The following PKHD1 variants were observed in gnomAD, a reference collection of about 807,000 sequenced individuals.
PKHD1 encodes fibrocystin.
In PKHD1, 291 loss-of-function variants were observed where a neutral mutation model predicts 412.0. The observed-to-expected ratio is 0.71, with a 90% CI of 0.64 to 0.78. PKHD1 has a LOEUF of 0.78. PKHD1 is among the 30% of genes least tolerant of loss of function. The pLI, the probability that PKHD1 is intolerant of heterozygous loss-of-function variation, is 0.00. For missense variants in PKHD1, 4,825 were observed against 4,950.7 expected, an observed-to-expected ratio of 0.97 and a Z score of 0.76; for synonymous variants, 1,777 against 1,821.5, an observed-to-expected ratio of 0.98 and a Z score of 0.62.
At chr6:51,662,159 A>G (rs1581910568) in intron 60 of PKHD1, among the ~76,000 whole-genome samples, 1 of 152,040 alleles carries the variant, frequency 6.6e-6, no homozygotes, top group Non-Finnish European at 1.5e-5. Context: ...TTATGGGAAA[A>G]TTTATAGTGT....
intron 63 of PKHD1, among the ~76,000 whole-genome samples, chr6:51,640,339 C>T (rs1769182304): frequency 6.6e-6 from 1 of 152,202 alleles, no homozygotes; most frequent in African/African-American, 2.4e-5. Context: ...AATGGGTTTG[C>T]TTTTGCGTTA....
intron 36 of PKHD1, among the ~76,000 whole-genome samples, chr6:51,956,979 T>C (rs548199225): frequency 6.6e-6 from 1 of 152,230 alleles, no homozygotes; most frequent in Non-Finnish European, 1.5e-5. Context: ...TTGACTTAAA[T>C]TTTTAAAGGA....
chr6:51,943,747 C>G (rs1788975876), intron 36 of PKHD1, among the ~76,000 whole-genome samples: 1 of 151,458 alleles, frequency 6.6e-6, no homozygotes, highest in Non-Finnish European at 1.5e-5. Flanking sequence ...CATCACCAAT[C>G]ATTCTATATG....
At chr6:51,779,258 A>G (rs530333049) in intron 53 of PKHD1, among the ~76,000 whole-genome samples, 2 of 152,252 alleles carry the variant, frequency 1.3e-5, no homozygotes, top group African/African-American at 2.4e-5. Flanking sequence ...TGAAACATAC[A>G]AGTCCCCAAG....
Position 51,619,021 on chromosome 6 carries a change from A to G in PKHD1, c.*60T>C. The G allele has an allele frequency of 1.4e-6, 2 of 1,480,882 alleles. No homozygotes were observed. Among genetic ancestry groups the G allele is most frequent in the South Asian group, 2.3e-5 (2 of 87,870 alleles). The allele number at this position is 1,480,882 out of a possible 1,614,324, so 91.7% of individuals were successfully genotyped here. ...AGGACAGTCCTCACTTCCCCAGCTT[A>G]TTATCCAGAAATACTGGGAACATTC... is the stretch of plus-strand genomic sequence containing the variant. On this transcript the variant is annotated 3_prime_UTR_variant, in exon 67 of 67. Coordinates refer to ENST00000371117, the MANE Select transcript of PKHD1 (RefSeq NM_138694.4).
rs746310708 is a variant in PKHD1 at position 51,909,342 on chromosome 6, A to T, written c.6623T>A (p.Val2208Asp). The T allele has an allele frequency of 1.9e-6, 3 of 1,613,460 alleles. No individual in the cohort carries two copies. Among genetic ancestry groups the T allele is most frequent in the Non-Finnish European group, 2.5e-6 (3 of 1,179,656 alleles). ...ATGCTTATGGAAGGCTTGCCCCAAGACTTGAAACTGCACTCCCTTCAACTG... is the reference window on the plus strand; with the variant it reads ...ATGCTTATGGAAGGCTTGCCCCAAGTCTTGAAACTGCACTCCCTTCAACTG... ...QVQLKGVQFQ[V>D]LGQAFHKHLS... Residue 2208 changes from valine (V) to aspartate (D), a missense_variant, in exon 40 of 67, where the codon GTC (valine) becomes GAC (aspartate). Val to Asp is a radical substitution (Grantham distance 152). Transcript: ENST00000371117.
chr6:51,679,630 A>G (rs1776356187), intron 60 of PKHD1, among the ~76,000 whole-genome samples: 1 of 151,996 alleles, frequency 6.6e-6, no homozygotes, highest in East Asian at 1.9e-4. Flanking sequence ...GGTAGTCAAG[A>G]ATTTCCAAGG....
chr6:51,903,860 T>TA lies in PKHD1; in HGVS notation c.6865+125_6865+126insT, dbSNP rs1562581856. The stretch of plus-strand genomic sequence containing the variant: ...ATATATATATATATATATATATATA[T>TA]TTAGAAAATATTTAGTATGCACAAT... On this transcript the variant is annotated intron_variant, in intron 42 of 66. Coordinates refer to ENST00000371117, the MANE Select transcript of PKHD1 (RefSeq NM_138694.4). 277 of 413,960 alleles carry TA rather than the reference T, an allele frequency of 6.7e-4. 3 individuals are homozygous for TA. The highest frequency in any genetic ancestry group is 5.2e-3 in the African/African-American group (229 of 43,856). 25.6% of individuals were successfully genotyped at this position (413,960 alleles called of 1,614,324 possible). A position where few individuals can be genotyped will look rare whatever the true frequency, so the allele number is the denominator to read the frequency against.
chr6:51,717,829 T>A (rs981643767), intron 60 of PKHD1, among the ~76,000 whole-genome samples: 3 of 152,166 alleles, frequency 2.0e-5, no homozygotes, highest in Non-Finnish European at 2.9e-5. Flanking sequence ...TATGAAATAG[T>A]GTTAGAGAAG....
At position 51,627,006 on chromosome 6, in the gene PKHD1, C is replaced by T. The variant is rs1413875038; in HGVS notation, c.11776G>A (p.Val3926Met). The change falls in exon 66 of 67, where the codon GTG (valine) becomes ATG (methionine). Residue 3926 changes from valine to methionine, a missense_variant. Coordinates refer to ENST00000371117, the MANE Select transcript of PKHD1 (RefSeq NM_138694.4). ...CACCCTCCAAGCTTACCTTCTCCCA[C>T]CACAGTGTCTTCTTTTTTGGGCCCT... ...SQGPKKEDTV[V>M]GEDMRMKVML... The T allele has an allele frequency of 2.5e-6, 4 of 1,613,554 alleles. No homozygotes were observed. Among genetic ancestry groups the T allele is most frequent in the Non-Finnish European group, 3.4e-6 (4 of 1,179,618 alleles).
intron 36 of PKHD1, among the ~76,000 whole-genome samples, chr6:51,939,682 G>A (rs567026666): frequency 2.6e-4 from 40 of 151,454 alleles, no homozygotes; most frequent in African/African-American, 9.7e-4. Context: ...TTCCTCCCTA[G>A]TCTCTGTTCC....
At position 52,048,478 on chromosome 6, in the gene PKHD1, A is replaced by C. The variant is rs984202205; in HGVS notation, c.2407+14T>G. 1.2e-6 allele frequency: 2 copies of C among 1,613,784 alleles called. No homozygotes were observed. The highest frequency in any genetic ancestry group is 1.3e-5 in the African/African-American group (1 of 75,042). On this transcript the variant is annotated intron_variant, in intron 23 of 66. Coordinates refer to ENST00000371117, the MANE Select transcript of PKHD1 (RefSeq NM_138694.4). ...TGTGAGTGAGAATTGTTGCAACCCC[A>C]ATCACCCCTTTACCAGAAATCACTG...
Position 52,025,233 on chromosome 6 carries a change from C to T in PKHD1, c.4577G>A (p.Cys1526Tyr). Residue 1526 changes from cysteine to tyrosine, a missense_variant, in exon 32 of 67, where the codon TGC becomes TAC. Transcript: ENST00000371117. ...PMVFVDDQLP[C>Y]NVTFFNASHV... ...GCTTGCATTAAAAAAAGTTACATTG[C>T]AAGGAAGTTGATCATCCACAAATAC... 6.2e-7 allele frequency: 1 copy of T among 1,614,148 alleles called. No individual in the cohort carries two copies. Among genetic ancestry groups the T allele is most frequent in the Non-Finnish European group, 8.5e-7 (1 of 1,180,028 alleles).
At chr6:51,724,068 A>G (rs533279045) in intron 60 of PKHD1, among the ~76,000 whole-genome samples, 1 of 152,296 alleles carries the variant, frequency 6.6e-6, no homozygotes, top group South Asian at 2.1e-4. Flanking sequence ...ATCAGGAAAA[A>G]TTAACCACCA....
chr6:52,004,980 CT>C (rs1348107020), intron 35 of PKHD1, among the ~76,000 whole-genome samples: 1 of 152,116 alleles, frequency 6.6e-6, no homozygotes, highest in Non-Finnish European at 1.5e-5. Context: ...TCTAGAGTTC[CT>C]TTTTTGCACA....
intron 36 of PKHD1, among the ~76,000 whole-genome samples, chr6:51,937,476 T>C (rs1179682430): frequency 6.6e-6 from 1 of 152,190 alleles, no homozygotes; most frequent in Admixed American, 6.5e-5. Flanking sequence ...TCCGTCTTAG[T>C]GCAGAGACAG....
chr6:52,043,561 C>T (rs1805278399), intron 26 of PKHD1, 64 bp downstream of exon 26: 1 of 1,139,782 alleles, frequency 8.8e-7, no homozygotes, highest in Non-Finnish European at 1.3e-6. Context: ...GCTACATGGC[C>T]TCTAACAAAA....
intron 12 of PKHD1, 48 bp downstream of exon 12, chr6:52,065,928 A>G: frequency 1.1e-6 from 1 of 913,506 alleles, no homozygotes; most frequent in Non-Finnish European, 1.8e-6. Context: ...ATAATCTCCT[A>G]GAGCATCTAA....
At chr6:51,914,174 G>T (rs962205230) in intron 37 of PKHD1, among the ~76,000 whole-genome samples, 1 of 152,040 alleles carries the variant, frequency 6.6e-6, no homozygotes, top group Non-Finnish European at 1.5e-5. Flanking sequence ...TGCAAGCTAC[G>T]CATGGCAGAA....
Sources: gnomAD v4.1 joint callset for allele counts (sites outside exome capture counted in the v4.1 genomes callset) on GRCh38, gnomAD v4.1.1 for gene constraint, MANE v1.5 for transcripts, NCBI Gene and HGNC (gene_info 2026-07-23, HGNC 2026-07-21) for gene names.